NPAS3: variants seen among roughly 807,000 people sequenced by gnomAD.
NPAS3 encodes neuronal PAS domain protein 3.
NPAS3 carries 14 observed loss-of-function variants against 73.1 expected under a neutral mutation model. The ratio of observed to expected loss-of-function variants is 0.19; its 90% CI spans 0.13 to 0.30. The LOEUF (loss-of-function observed/expected upper bound fraction) is 0.30. Among genes scored for constraint, NPAS3 ranks in the 10% least tolerant of loss-of-function variants. The pLI, the probability that NPAS3 is intolerant of heterozygous loss-of-function variation, is 1.00. For missense variants in NPAS3, 1,096 were observed against 1,250.0 expected, an observed-to-expected ratio of 0.88 and a Z score of 1.86; for synonymous variants, 620 against 541.5, an observed-to-expected ratio of 1.14 and a Z score of -2.01.
At position 33,688,248 on chromosome 14, in the gene NPAS3, G is replaced by A. The variant is rs150702284; in HGVS notation, c.733+11863G>A. ...CAGAAAGAGAGTTCCCCAGTTAAACGGCAAAGGAAAAAACTTGGTAGCACG... is the reference window on the plus strand; with the variant it reads ...CAGAAAGAGAGTTCCCCAGTTAAACAGCAAAGGAAAAAACTTGGTAGCACG... On this transcript the variant is annotated intron_variant, in intron 6 of 11. Transcript: ENST00000356141. 1.5e-3 allele frequency among the ~76,000 whole-genome samples: 221 copies of A among 152,184 alleles called. 1 individual carries two copies. The highest frequency in any genetic ancestry group is 4.7e-3 in the African/African-American group (197 of 41,524).
At chr14:33,215,044 T>C in intron 2 of NPAS3, 138 bp from the exon 3 acceptor site, 1 of 888,236 alleles carries the variant, frequency 1.1e-6, no homozygotes. Context: ...CTGGAACTCA[T>C]TTTACTGTCA....
intron 5 of NPAS3, among the ~76,000 whole-genome samples, chr14:33,628,829 G>GAAAT (rs1341239652): frequency 3.3e-5 from 5 of 152,190 alleles, no homozygotes; most frequent in African/African-American, 1.2e-4. Context: ...CTCACGTAAT[G>GAAAT]AAATAGAAAG....
At chr14:33,328,643 G>A (rs2043833171) in intron 3 of NPAS3, among the ~76,000 whole-genome samples, 1 of 151,322 alleles carries the variant, frequency 6.6e-6, no homozygotes, top group Admixed American at 6.6e-5. Context: ...ATTTTTAGGA[G>A]AGACGGGGTT....
chr14:33,729,396 C>A (rs2061348404), intron 6 of NPAS3, among the ~76,000 whole-genome samples: 1 of 152,108 alleles, frequency 6.6e-6, no homozygotes, highest in African/African-American at 2.4e-5. Flanking sequence ...TATTGGATAA[C>A]AAATTACCCC....
intron 4 of NPAS3, among the ~76,000 whole-genome samples, chr14:33,457,353 A>C (rs2050069335): frequency 6.6e-6 from 1 of 152,248 alleles, no homozygotes. Context: ...AGTACTAACC[A>C]CAAAACACAT....
chr14:33,376,915 A>T (rs2046338255), intron 4 of NPAS3, among the ~76,000 whole-genome samples: 1 of 152,222 alleles, frequency 6.6e-6, no homozygotes, highest in Admixed American at 6.5e-5. Flanking sequence ...TTTGAGAAAC[A>T]TCTGCTAGTA....
chr14:33,465,465 G>A (rs555949088), intron 4 of NPAS3, among the ~76,000 whole-genome samples: 16 of 152,206 alleles, frequency 1.1e-4, no homozygotes, highest in East Asian at 9.6e-4. Context: ...AGAATATATC[G>A]ATTCAAGCAT....
At chr14:33,648,933 C>G (rs778674416) in intron 5 of NPAS3, among the ~76,000 whole-genome samples, 2 of 152,188 alleles carry the variant, frequency 1.3e-5, no homozygotes, top group Non-Finnish European at 2.9e-5. Context: ...AGATGAACAG[C>G]AGCGAATTGT....
At position 33,556,111 on chromosome 14, in the gene NPAS3, G is replaced by T. The variant is rs577441099; in HGVS notation, c.469-4010G>T. ...AAAAAAACTGGCCAGTTCTTAGATCGCTACTGCTTAATAGCATCAGATGTT... is the reference window on the plus strand; with the variant it reads ...AAAAAAACTGGCCAGTTCTTAGATCTCTACTGCTTAATAGCATCAGATGTT... On this transcript the variant is annotated intron_variant, in intron 4 of 11. Transcript: ENST00000356141. 2.0e-5 allele frequency among the ~76,000 whole-genome samples: 3 copies of T among 152,100 alleles called. No homozygotes were observed. In the South Asian group the frequency reaches 6.2e-4, roughly 32 times the overall value.
chr14:32,942,463 C>A (rs999518729), intron 1 of NPAS3, among the ~76,000 whole-genome samples: 1 of 152,178 alleles, frequency 6.6e-6, no homozygotes, highest in African/African-American at 2.4e-5. Flanking sequence ...GAAAGTGTCT[C>A]TTTAGAGCCT....
chr14:33,537,208 T>C (rs2054295903), intron 4 of NPAS3, among the ~76,000 whole-genome samples: 1 of 152,202 alleles, frequency 6.6e-6, no homozygotes, highest in South Asian at 2.1e-4. Context: ...CTGCTTAAGA[T>C]CAATAAATGA....
At chr14:33,499,608 G>T (rs2052411911) in intron 4 of NPAS3, among the ~76,000 whole-genome samples, 1 of 151,948 alleles carries the variant, frequency 6.6e-6, no homozygotes, top group South Asian at 2.1e-4. Context: ...ACTACCACAT[G>T]AAGCTACATC....
chr14:32,938,486 T>TAAGAGAGAGAGAGA (rs1555372901), upstream of NPAS3, among the ~76,000 whole-genome samples: 1 of 55,906 alleles, frequency 1.8e-5, no homozygotes, highest in Admixed American at 1.9e-4. Flanking sequence ...AGAGAGAAAT[T>TAAGAGAGAGAGAGA]GAGAGAGAGA....
At chr14:33,689,130 G>A (rs1448391068) in intron 6 of NPAS3, among the ~76,000 whole-genome samples, 7 of 152,168 alleles carry the variant, frequency 4.6e-5, no homozygotes, top group Non-Finnish European at 8.8e-5. Flanking sequence ...GACAGCCCAC[G>A]TTGTGTTCAC....
intron 3 of NPAS3, among the ~76,000 whole-genome samples, chr14:33,227,932 A>G (rs559729823): frequency 1.3e-5 from 2 of 152,112 alleles, no homozygotes; most frequent in South Asian, 4.2e-4. Flanking sequence ...GGAGTTGAAC[A>G]CTCCTGAGTT....
intron 9 of NPAS3, among the ~76,000 whole-genome samples, chr14:33,787,460 C>T (rs7160239): frequency 0.036 from 5,390 of 151,716 alleles, 314 homozygotes; most frequent in African/African-American, 0.12. Flanking sequence ...CTGTCATTAG[C>T]GTATTAGGGG....
chr14:33,664,887 G>A (rs948994714), intron 5 of NPAS3, among the ~76,000 whole-genome samples: 6 of 152,180 alleles, frequency 3.9e-5, no homozygotes, highest in Admixed American at 3.9e-4. Context: ...GTGGAGATAG[G>A]AACGCTTTTA....
intron 2 of NPAS3, among the ~76,000 whole-genome samples, chr14:33,083,854 C>A (rs560138554): frequency 6.6e-6 from 1 of 152,154 alleles, no homozygotes; most frequent in African/African-American, 2.4e-5. Context: ...TCTCTATCCA[C>A]AGTAATTGAG....
intron 4 of NPAS3, among the ~76,000 whole-genome samples, chr14:33,453,859 T>C (rs1275836605): frequency 3.3e-5 from 5 of 152,182 alleles, no homozygotes; most frequent in African/African-American, 1.2e-4. Flanking sequence ...CCTTTGTTTG[T>C]TTGTTTTGTT....
Sources: gnomAD v4.1 joint callset for allele counts (sites outside exome capture counted in the v4.1 genomes callset) on GRCh38, gnomAD v4.1.1 for gene constraint, MANE v1.5 for transcripts, NCBI Gene and HGNC (gene_info 2026-07-23, HGNC 2026-07-21) for gene names.